The following CADM2 variants were observed in gnomAD, a reference collection of about 807,000 sequenced individuals.
CADM2 encodes cell adhesion molecule 2.
In CADM2, 12 loss-of-function variants were observed where a neutral mutation model predicts 49.8. The observed-to-expected ratio is 0.24, with a 90% CI of 0.15 to 0.39. CADM2 has a LOEUF of 0.39. Ranked by LOEUF, CADM2 falls within the 10% of genes least tolerant of loss-of-function variation. The pLI is 1.00. For synonymous variants in CADM2, 214 were observed against 175.4 expected (o/e 1.22, Z -1.74); for missense variants, 378 against 492.3 (o/e 0.77, Z 2.20).
chr3:85,722,933 A>G (rs2067560804), intron 1 of CADM2, among the ~76,000 whole-genome samples: 1 of 152,206 alleles, frequency 6.6e-6, no homozygotes, highest in Admixed American at 6.5e-5. Flanking sequence ...AACTGATTAA[A>G]CAAATCAGTA....
At chr3:85,911,933 A>G (rs998976881) in intron 5 of CADM2, among the ~76,000 whole-genome samples, 1 of 150,226 alleles carries the variant, frequency 6.7e-6, no homozygotes, top group Non-Finnish European at 1.5e-5. Context: ...TTTTTTTATT[A>G]TTTATTTATT....
chr3:85,823,757 G>A (rs1378541670), intron 3 of CADM2, among the ~76,000 whole-genome samples: 4 of 152,086 alleles, frequency 2.6e-5, no homozygotes, highest in Admixed American at 2.6e-4. Context: ...GACTGTATCT[G>A]AACTGAAAAA....
intron 1 of CADM2, among the ~76,000 whole-genome samples, chr3:85,069,747 A>G (rs1455257723): frequency 1.3e-5 from 2 of 152,152 alleles, no homozygotes; most frequent in African/African-American, 4.8e-5. Flanking sequence ...TGGGAGTAAA[A>G]AATAACATGA....
At chr3:85,053,431 G>A (rs2035958880) in intron 1 of CADM2, among the ~76,000 whole-genome samples, 1 of 151,914 alleles carries the variant, frequency 6.6e-6, no homozygotes, top group African/African-American at 2.4e-5. Context: ...AATAAAACAT[G>A]ACAAATTAAT....
At chr3:85,023,176 T>A (rs1219761504) in intron 1 of CADM2, among the ~76,000 whole-genome samples, 2 of 152,100 alleles carry the variant, frequency 1.3e-5, no homozygotes, top group Non-Finnish European at 2.9e-5. Flanking sequence ...AAAAAAGACA[T>A]GCCAAAGATT....
chr3:85,157,014 C>G (rs1359639760), intron 1 of CADM2, among the ~76,000 whole-genome samples: 5 of 151,978 alleles, frequency 3.3e-5, no homozygotes, highest in Non-Finnish European at 5.9e-5. Context: ...AATCAATGTG[C>G]AAAAATCGCA....
intron 1 of CADM2, among the ~76,000 whole-genome samples, chr3:85,397,644 T>C (rs770364810): frequency 6.6e-6 from 1 of 152,186 alleles, no homozygotes; most frequent in Non-Finnish European, 1.5e-5. Context: ...AGACAAATAT[T>C]GTATGAATCA....
intron 1 of CADM2, chr3:84,960,494 T>A (rs1257824146): frequency 2.6e-5 from 4 of 151,938 alleles, no homozygotes; most frequent in African/African-American, 7.3e-5. Flanking sequence ...TTTTTTTTTT[T>A]AACCAAAGAA....
chr3:85,044,377 G>T (rs1374286211), intron 1 of CADM2, among the ~76,000 whole-genome samples: 2 of 152,264 alleles, frequency 1.3e-5, no homozygotes, highest in East Asian at 1.9e-4. Flanking sequence ...AAGCAGTTTG[G>T]CTTTTCTGCC....
intron 1 of CADM2, among the ~76,000 whole-genome samples, chr3:85,357,969 T>C (rs957378527): frequency 6.6e-6 from 1 of 152,132 alleles, no homozygotes; most frequent in Admixed American, 6.6e-5. Context: ...CATATTGCTC[T>C]GATTTCACAG....
At chr3:85,458,723 T>A (rs1212260100) in intron 1 of CADM2, among the ~76,000 whole-genome samples, 1 of 152,166 alleles carries the variant, frequency 6.6e-6, no homozygotes, top group Non-Finnish European at 1.5e-5. Flanking sequence ...GATTCTACAC[T>A]CTTCCTCTTT....
At chr3:85,642,334 G>A (rs1577000208) in intron 1 of CADM2, among the ~76,000 whole-genome samples, 1 of 151,564 alleles carries the variant, frequency 6.6e-6, no homozygotes, top group African/African-American at 2.4e-5. Context: ...GCAAAAAATA[G>A]CAACTAAAAA....
intron 1 of CADM2, among the ~76,000 whole-genome samples, chr3:85,573,311 G>C (rs1435254116): frequency 6.6e-6 from 1 of 151,928 alleles, no homozygotes; most frequent in Non-Finnish European, 1.5e-5. Context: ...TCATGCCTCA[G>C]CCTCCCAAGA....
At chr3:85,787,942 C>CT (rs1210127094) in intron 2 of CADM2, among the ~76,000 whole-genome samples, 5 of 152,118 alleles carry the variant, frequency 3.3e-5, no homozygotes, top group African/African-American at 1.2e-4. Flanking sequence ...TAGCTCAGGA[C>CT]TTTTGCATTA....
At chr3:85,412,703 G>C (rs1441141197) in intron 1 of CADM2, among the ~76,000 whole-genome samples, 1 of 151,906 alleles carries the variant, frequency 6.6e-6, no homozygotes, top group African/African-American at 2.4e-5. Flanking sequence ...AAAACAAAAA[G>C]AATAATGCAC....
intron 1 of CADM2, among the ~76,000 whole-genome samples, chr3:85,392,036 G>A (rs1177423480): frequency 6.6e-6 from 1 of 152,042 alleles, no homozygotes; most frequent in African/African-American, 2.4e-5. Flanking sequence ...TGGGAGAGAA[G>A]AAAATTTGGG....
chr3:85,905,610 C>T (rs188614571), intron 5 of CADM2, among the ~76,000 whole-genome samples: 18 of 148,716 alleles, frequency 1.2e-4, no homozygotes, highest in East Asian at 1.2e-3. Context: ...TTTCTGCAGA[C>T]GAAAGAAAGA....
At chr3:85,445,589 T>C (rs1007546644) in intron 1 of CADM2, among the ~76,000 whole-genome samples, 7 of 152,130 alleles carry the variant, frequency 4.6e-5, no homozygotes, top group Non-Finnish European at 7.4e-5. Flanking sequence ...ATTATTTATC[T>C]ATGCATTTAT....
chr3:85,470,815 C>A (rs980060683), intron 1 of CADM2, among the ~76,000 whole-genome samples: 1 of 152,132 alleles, frequency 6.6e-6, no homozygotes, highest in Non-Finnish European at 1.5e-5. Context: ...TTCTTCATTT[C>A]TAGCTTCCTC....
Sources: allele counts gnomAD v4.1 joint callset (sites outside exome capture counted in the v4.1 genomes callset), GRCh38; gene constraint gnomAD v4.1.1; transcripts MANE v1.5; gene names NCBI Gene and HGNC (gene_info 2026-07-23, HGNC 2026-07-21).